The following FAM184A variants were observed in gnomAD, a reference collection of about 807,000 sequenced individuals.
FAM184A encodes family with sequence similarity 184 member A, also known as protein FAM184A.
In FAM184A, 99 loss-of-function variants were observed where a neutral mutation model predicts 143.8. The ratio of observed to expected loss-of-function variants is 0.69; its 90% CI spans 0.58 to 0.81. FAM184A has a LOEUF of 0.81. Ranked by LOEUF, FAM184A falls within the 40% of genes least tolerant of loss-of-function variation. The pLI is 0.00. For missense variants in FAM184A, 1,217 were observed against 1,310.5 expected, an observed-to-expected ratio of 0.93 and a Z score of 1.10; for synonymous variants, 427 against 446.4, an observed-to-expected ratio of 0.96 and a Z score of 0.55.
intron 1 of FAM184A, among the ~76,000 whole-genome samples, chr6:119,127,384 T>G (rs548671492): frequency 6.6e-6 from 1 of 152,302 alleles, no homozygotes; most frequent in African/African-American, 2.4e-5. Context: ...CCTACCACAG[T>G]GGAAGGGCAG....
intron 11 of FAM184A, 151 bp downstream of exon 11, chr6:118,979,214 G>T: frequency 1.4e-6 from 1 of 690,128 alleles, no homozygotes; most frequent in Non-Finnish European, 2.3e-6. Context: ...GCCTATTCAT[G>T]TGGTAACTTC....
intron 1 of FAM184A, among the ~76,000 whole-genome samples, chr6:119,123,200 C>A (rs574550309): frequency 9.7e-4 from 147 of 151,926 alleles, no homozygotes; most frequent in African/African-American, 3.5e-3. Context: ...ACCAGCCTGG[C>A]CAACATGGTG....
In FAM184A at chr6:118,962,573, G is replaced by A. The variant is rs565878220; in HGVS notation, c.3139-610C>T. 2.0e-5 allele frequency: 3 copies of A among 152,506 alleles called. No individual in the cohort carries two copies. The South Asian group carries it at 6.2e-4, about 31-fold the overall frequency. The allele number at this position is 152,506 out of a possible 1,614,324, so 9.4% of individuals were successfully genotyped here. ...ACATCTATCTTTCTGAAGAGAGAAA[G>A]TTATATCTGCATAATTAAGTCTAAT... On this transcript the variant is annotated intron_variant, in intron 16 of 17. Coordinates refer to ENST00000338891, the MANE Select transcript of FAM184A (RefSeq NM_024581.6).
chr6:119,010,882 TC>T (rs1785066783), intron 6 of FAM184A, among the ~76,000 whole-genome samples: 1 of 152,174 alleles, frequency 6.6e-6, no homozygotes, highest in African/African-American at 2.4e-5. Context: ...CCCTCTTTTC[TC>T]CTCTTTCATT....
At chr6:119,050,935 G>T (rs2114746414) in intron 1 of FAM184A, among the ~76,000 whole-genome samples, 1 of 152,258 alleles carries the variant, frequency 6.6e-6, no homozygotes, top group Non-Finnish European at 1.5e-5. Context: ...ACTTATAAAT[G>T]GGAGCTAAAT....
chr6:118,990,222 T>G (rs978179683), intron 9 of FAM184A, among the ~76,000 whole-genome samples: 10 of 152,240 alleles, frequency 6.6e-5, no homozygotes, highest in African/African-American at 2.4e-4. Flanking sequence ...TTTCACTCTT[T>G]AAGGTGTCAT....
intron 1 of FAM184A, among the ~76,000 whole-genome samples, chr6:119,061,531 CTTTTTTTTTTTTTT>C (rs977029986): frequency 1.7e-5 from 1 of 58,530 alleles, no homozygotes; most frequent in African/African-American, 7.4e-5. Context: ...AATTATTTTT[CTTTTTTTTTTTTTT>C]TTTTTTTTTT....
At chr6:119,038,668 C>T (rs112592019) in intron 1 of FAM184A, among the ~76,000 whole-genome samples, 1,670 of 152,276 alleles carry the variant, frequency 0.011, 11 homozygotes, top group Non-Finnish European at 0.019. Flanking sequence ...ACCAGCAGCC[C>T]TCAGGGCTGC....
chr6:119,082,255 C>G (rs891405733), upstream of FAM184A, among the ~76,000 whole-genome samples: 1 of 152,166 alleles, frequency 6.6e-6, no homozygotes, highest in Non-Finnish European at 1.5e-5. Context: ...ATGGGGATTT[C>G]AATTCAATAT....
At chr6:119,086,107 C>T (rs1788215255) in intron 1 of FAM184A, among the ~76,000 whole-genome samples, 1 of 152,122 alleles carries the variant, frequency 6.6e-6, no homozygotes. Context: ...TCCCATCACC[C>T]AAACCTCACT....
At chr6:119,094,600 G>A (rs1788457183) in intron 1 of FAM184A, among the ~76,000 whole-genome samples, 1 of 152,106 alleles carries the variant, frequency 6.6e-6, no homozygotes, top group African/African-American at 2.4e-5. Flanking sequence ...ATACCATCCC[G>A]AGGGGATGCT....
At chr6:119,067,975 A>AAAAT (rs1481293017) in intron 1 of FAM184A, among the ~76,000 whole-genome samples, 1 of 151,374 alleles carries the variant, frequency 6.6e-6, no homozygotes, top group African/African-American at 2.5e-5. Flanking sequence ...CTATCTCTAA[A>AAAAT]AAATAAATAA....
At chr6:119,011,491 C>A in intron 5 of FAM184A, 60 bp from the exon 6 acceptor site, 1 of 1,057,770 alleles carries the variant, frequency 9.5e-7, no homozygotes, top group Non-Finnish European at 1.3e-6. Flanking sequence ...ACTTTGAAGA[C>A]TCTAAGAAAA....
chr6:119,068,081 T>C (rs370323651), intron 1 of FAM184A, among the ~76,000 whole-genome samples: 34 of 149,696 alleles, frequency 2.3e-4, no homozygotes, highest in Admixed American at 1.3e-4. Context: ...GGAGTTTCAC[T>C]GTGCACCCAG....
intron 1 of FAM184A, among the ~76,000 whole-genome samples, chr6:119,111,986 T>C (rs1788945621): frequency 1.3e-5 from 2 of 152,226 alleles, no homozygotes; most frequent in Non-Finnish European, 2.9e-5. Flanking sequence ...CAAGGCCATG[T>C]ACTGCATATT....
chr6:118,987,439 C>T (rs1237729157), intron 9 of FAM184A, among the ~76,000 whole-genome samples: 1 of 152,244 alleles, frequency 6.6e-6, no homozygotes, highest in African/African-American at 2.4e-5. Flanking sequence ...ATAAATCTCA[C>T]TTTTTCTTAT....
chr6:119,023,074 G>C lies in FAM184A; in HGVS notation c.1021C>G (p.Gln341Glu), dbSNP rs1036865522. ...AIAENNVQVL[Q>E]KQLDDAKEGE... ...TCCTTGGCATCATCAAGCTGTTTTT[G>C]AAGAACCTAAGAAAGATTAAATAGC... The change falls in exon 3 of 18, where the codon CAA becomes GAA. Residue 341 changes from glutamine to glutamate, a missense_variant. Coordinates refer to ENST00000338891, the MANE Select transcript of FAM184A (RefSeq NM_024581.6). 4 of 1,613,862 alleles carry C rather than the reference G, an allele frequency of 2.5e-6. No individual in the cohort carries two copies. The African/African-American group carries it at 4.0e-5, about 16-fold the overall frequency.
At position 119,024,602 on chromosome 6, in the gene FAM184A, T is replaced by G. The variant is rs750546782; in HGVS notation, c.371A>C (p.Gln124Pro). The change falls in exon 2 of 18, where the codon CAG becomes CCG. Residue 124 changes from glutamine (Q) to proline (P), a missense_variant. By Grantham distance (76) the Gln-to-Pro change is moderately conservative. Transcript: ENST00000338891. The part of the protein sequence containing the change: ...SLEDHIKMKQ[Q>P]ALTEFEAYKH... Reference sequence around the variant, plus strand: ...ATAAGCTTCAAATTCTGTCAAAGCCTGCTGCTTCATTTTTATGTGATCTTC... The same window carrying G: ...ATAAGCTTCAAATTCTGTCAAAGCCGGCTGCTTCATTTTTATGTGATCTTC... 1 of 1,614,186 alleles carries G rather than the reference T, an allele frequency of 6.2e-7. No individual in the cohort carries two copies. Among genetic ancestry groups the G allele is most frequent in the South Asian group, 1.1e-5 (1 of 91,076 alleles).
chr6:119,101,744 GAC>G (rs1419906864), intron 1 of FAM184A, among the ~76,000 whole-genome samples: 2 of 152,006 alleles, frequency 1.3e-5, no homozygotes, highest in Non-Finnish European at 2.9e-5. Flanking sequence ...CCACCATAAA[GAC>G]ACACAAAAAA....
Sources: allele counts gnomAD v4.1 joint callset (sites outside exome capture counted in the v4.1 genomes callset), GRCh38; gene constraint gnomAD v4.1.1; transcripts MANE v1.5; gene names NCBI Gene and HGNC (gene_info 2026-07-23, HGNC 2026-07-21).